Variants in VPS13C observed in about 807,000 individuals in gnomAD.
VPS13C encodes the protein vacuolar protein sorting 13 homolog C.
In VPS13C, 358 loss-of-function variants were observed where a neutral mutation model predicts 456.8. The observed-to-expected ratio is 0.78, with a 90% CI of 0.72 to 0.86. The LOEUF is 0.86. Ranked by LOEUF, VPS13C falls within the 40% of genes least tolerant of loss-of-function variation. VPS13C has a pLI of 0.00. For synonymous variants in VPS13C, 1,578 were observed against 1,486.7 expected (o/e 1.06, Z -1.41); for missense variants, 4,818 against 4,385.4 (o/e 1.10, Z -2.79).
intron 36 of VPS13C, 83 bp from the exon 37 acceptor site, chr15:61,958,799 C>T: frequency 2.8e-6 from 2 of 703,818 alleles, no homozygotes; most frequent in Non-Finnish European, 4.4e-6. Flanking sequence ...TTCCCATTTG[C>T]AACACATGAG....
At position 61,981,339 on chromosome 15, in the gene VPS13C, T is replaced by C. The variant is rs1307282094; in HGVS notation, c.2166+3A>G. ...GCAGACAAAAAAACGCATATATACC[T>C]ACCTGAAATGTACCAAAATCTAAAA... On this transcript the variant is annotated splice_donor_region_variant and intron_variant, in intron 22 of 84. Transcript: ENST00000644861. 1 of 1,606,080 alleles carries C rather than the reference T, an allele frequency of 6.2e-7. No homozygotes were observed. Among genetic ancestry groups the C allele is most frequent in the East Asian group, 2.2e-5 (1 of 44,596 alleles).
At chr15:61,941,058 T>G (rs1334500392) in intron 46 of VPS13C, among the ~76,000 whole-genome samples, 1 of 152,228 alleles carries the variant, frequency 6.6e-6, no homozygotes, top group Non-Finnish European at 1.5e-5. Context: ...ACTGCATTAT[T>G]TATTATTTTT....
rs150725700 is a variant in VPS13C at position 62,014,279 on chromosome 15, C to A, written c.685-287G>T. Among the ~76,000 whole-genome samples the A allele has an allele frequency of 2.6e-5, 4 of 152,062 alleles. No homozygotes were observed. In the East Asian group the frequency reaches 7.7e-4, roughly 29 times the overall value. On this transcript the variant is annotated intron_variant, in intron 9 of 84. Coordinates refer to ENST00000644861, the MANE Select transcript of VPS13C (RefSeq NM_020821.3). The stretch of plus-strand genomic sequence containing the variant: ...TCAGGTATGAATGAAAACAGAGAGC[C>A]AGCCTATACACTATTGAATATGGTA...
At chr15:61,920,408 A>AT (rs2043615976) in intron 56 of VPS13C, 77 bp from the exon 57 acceptor site, 2 of 1,496,506 alleles carry the variant, frequency 1.3e-6, no homozygotes, top group Non-Finnish European at 1.8e-6. Context: ...ATAATTACAC[A>AT]TTTTTTGGAA....
rs2043536359 is a variant in VPS13C at position 61,918,234 on chromosome 15, T to C, written c.7662A>G (p.Ala2554=). 12 of 1,582,430 alleles carry C rather than the reference T, an allele frequency of 7.6e-6. No homozygotes were observed. Among genetic ancestry groups the C allele is most frequent in the Non-Finnish European group, 9.4e-6 (11 of 1,167,374 alleles). The stretch of plus-strand genomic sequence containing the variant: ...TCTTAACAAATTTATAGATGATAAA[T>C]GCAATGGAGAAATGGTTTTTGATCT... ...PLQIKNHFSI[A]FIIYKFVKNV... is the part of the protein sequence containing the mutation. Residue 2554 remains alanine, a synonymous_variant, in exon 59 of 85, where the codon GCA becomes GCG. Transcript: ENST00000644861.
Position 61,974,433 on chromosome 15 carries a change from A to C in VPS13C, c.2409-16T>G, listed in dbSNP as rs963771914. On this transcript the variant is annotated splice_polypyrimidine_tract_variant and intron_variant, in intron 24 of 84. Transcript: ENST00000644861. ...CACTTTAAATCTAAAAATACAATTC[A>C]GTGGTTTTAAGTCAGCATCTCTACA... The C allele has an allele frequency of 6.2e-7, 1 of 1,609,202 alleles. No individual in the cohort carries two copies. Among genetic ancestry groups the C allele is most frequent in the Non-Finnish European group, 8.5e-7 (1 of 1,177,228 alleles).
intron 60 of VPS13C, among the ~76,000 whole-genome samples, chr15:61,916,480 A>T (rs955891237): frequency 6.6e-6 from 1 of 152,208 alleles, no homozygotes; most frequent in Non-Finnish European, 1.5e-5. Context: ...CGAGTTATCT[A>T]AGTAAGGTGG....
Position 61,981,189 on chromosome 15 carries a change from T to C in VPS13C, c.2166+153A>G, listed in dbSNP as rs541315907. 1.3e-4 allele frequency among the ~76,000 whole-genome samples: 20 copies of C among 152,218 alleles called. No homozygotes were observed. The South Asian group carries it at 3.9e-3, about 30-fold the overall frequency. On this transcript the variant is annotated intron_variant, in intron 22 of 84. Transcript: ENST00000644861. The stretch of plus-strand genomic sequence containing the variant: ...TTTGTTTTAATAGTCATAAAACATA[T>C]ATAAAATACTCCAAGCAAGGCTTGA...
chr15:61,964,036 C>G lies in VPS13C; in HGVS notation c.3215-85G>C, dbSNP rs2045301694. The stretch of plus-strand genomic sequence containing the variant: ...AGGTTTATTCGCTATATTAAGTGAA[C>G]CACTGTTATGTTAAAAAAAATTATA... On this transcript the variant is annotated intron_variant, in intron 31 of 84. Transcript: ENST00000644861. 3.9e-6 allele frequency: 3 copies of G among 766,498 alleles called. No homozygotes were observed. In the African/African-American group the frequency reaches 5.4e-5, roughly 14 times the overall value. The allele number at this position is 766,498 out of a possible 1,614,324, so 47.5% of individuals were successfully genotyped here. A position where few individuals can be genotyped will look rare whatever the true frequency, so the allele number is the denominator to read the frequency against.
intron 78 of VPS13C, among the ~76,000 whole-genome samples, chr15:61,872,440 T>C (rs1895102720): frequency 6.6e-6 from 1 of 152,052 alleles, no homozygotes; most frequent in African/African-American, 2.4e-5. Flanking sequence ...CATTGTAACT[T>C]AGTGGAAGTG....
chr15:61,864,762 T>G (rs1566954383), intron 81 of VPS13C: 1 of 985,474 alleles, frequency 1.0e-6, no homozygotes, highest in Non-Finnish European at 1.2e-6. Context: ...AATAGCTACT[T>G]GTTTCACAAT....
At chr15:61,956,519 C>G (rs904699040) in intron 37 of VPS13C, among the ~76,000 whole-genome samples, 1 of 151,982 alleles carries the variant, frequency 6.6e-6, no homozygotes, top group African/African-American at 2.4e-5. Flanking sequence ...AAACCACAGA[C>G]AGGGAAAAGA....
chr15:61,867,757 C>A lies in VPS13C; in HGVS notation c.10863+902G>T. 1.4e-6 allele frequency: 2 copies of A among 1,475,030 alleles called. No individual in the cohort carries two copies. The highest frequency in any genetic ancestry group is 2.9e-5 in the Admixed American group (1 of 34,612). 91.4% of individuals were successfully genotyped at this position (1,475,030 alleles called of 1,614,324 possible). ...CTGGACAGTATTACCAGGAATACCA[C>A]AAGTTTTTATTTGTAGTCAATCCCA... On this transcript the variant is annotated intron_variant, in intron 81 of 84. Coordinates refer to ENST00000644861, the MANE Select transcript of VPS13C (RefSeq NM_020821.3). The surrounding 1 kb of genome is among the most constrained non-coding windows in gnomAD (Gnocchi z 5.0).
At chr15:61,899,367 A>T (rs1333980217) in intron 66 of VPS13C, among the ~76,000 whole-genome samples, 1 of 149,090 alleles carries the variant, frequency 6.7e-6, no homozygotes, top group Non-Finnish European at 1.5e-5. Context: ...CAAGACTAAT[A>T]AAGAAAAAAA....
In VPS13C at chr15:61,880,731, A is replaced by C. The variant is rs1194163044; in HGVS notation, c.9889-9T>G. Reference sequence around the variant, plus strand: ...TGTTGGATTAACTTTGTCTGAAAAAAATAAAATCAAGAATTTCTATTTTAA... The same window carrying C: ...TGTTGGATTAACTTTGTCTGAAAAACATAAAATCAAGAATTTCTATTTTAA... On this transcript the variant is annotated splice_polypyrimidine_tract_variant and intron_variant, in intron 72 of 84. Coordinates refer to ENST00000644861, the MANE Select transcript of VPS13C (RefSeq NM_020821.3). 6.4e-7 allele frequency: 1 copy of C among 1,557,068 alleles called. No homozygotes were observed. Among genetic ancestry groups the C allele is most frequent in the South Asian group, 1.2e-5 (1 of 81,990 alleles).
chr15:61,990,057 A>G (rs1017184388), intron 18 of VPS13C, among the ~76,000 whole-genome samples: 1 of 152,232 alleles, frequency 6.6e-6, no homozygotes, highest in African/African-American at 2.4e-5. Flanking sequence ...CCATACAGCA[A>G]TGAAAGTTAG....
intron 27 of VPS13C, among the ~76,000 whole-genome samples, chr15:61,971,428 A>G (rs1283623452): frequency 1.3e-5 from 2 of 151,826 alleles, no homozygotes; most frequent in Non-Finnish European, 2.9e-5. Context: ...CGCCTAGCTA[A>G]TTTTGTATTT....
intron 14 of VPS13C, among the ~76,000 whole-genome samples, chr15:62,007,888 C>T (rs550563430): frequency 6.6e-6 from 1 of 152,014 alleles, no homozygotes; most frequent in African/African-American, 2.4e-5. Flanking sequence ...GGGCAGATCA[C>T]GAGGTCAAGA....
At chr15:62,047,109 AC>A (rs2048431080) in intron 1 of VPS13C, among the ~76,000 whole-genome samples, 1 of 151,824 alleles carries the variant, frequency 6.6e-6, no homozygotes, top group South Asian at 2.1e-4. Flanking sequence ...GTATTACTTT[AC>A]CCCCAGACAC....
Sources: gnomAD v4.1 joint callset for allele counts (sites outside exome capture counted in the v4.1 genomes callset) on GRCh38, gnomAD v4.1.1 for gene constraint, Gnocchi (gnomAD v3.1) non-coding constraint, MANE v1.5 for transcripts, NCBI Gene and HGNC (gene_info 2026-07-23, HGNC 2026-07-21) for gene names.